The following DENND4C variants were observed in gnomAD, a reference collection of about 807,000 sequenced individuals.
The protein encoded by DENND4C is DENN domain containing 4C.
In DENND4C, 108 loss-of-function variants were observed where a neutral mutation model predicts 203.0. The ratio of observed to expected loss-of-function variants is 0.53; its 90% confidence interval spans 0.46 to 0.62. The LOEUF (loss-of-function observed/expected upper bound fraction) is 0.62. Among genes scored for constraint, DENND4C ranks in the 20% least tolerant of loss-of-function variants. DENND4C has a pLI of 0.00. For missense variants in DENND4C, 2,481 were observed against 2,301.2 expected (o/e 1.08, Z -1.60); for synonymous variants, 871 against 792.4 (o/e 1.10, Z -1.67).
intron 15 of DENND4C, among the ~76,000 whole-genome samples, chr9:19,327,544 A>G (rs1818080602): frequency 6.6e-6 from 1 of 152,062 alleles, no homozygotes; most frequent in Non-Finnish European, 1.5e-5. Flanking sequence ...AAAATATTTA[A>G]TTGGAGAAAT....
chr9:19,284,662 A>T (rs1312321443), intron 2 of DENND4C, among the ~76,000 whole-genome samples: 1 of 152,088 alleles, frequency 6.6e-6, no homozygotes, highest in African/African-American at 2.4e-5. Flanking sequence ...ATGGTGTATC[A>T]GAGTAATTTC....
At chr9:19,347,839 C>T (rs921822929) in intron 23 of DENND4C, among the ~76,000 whole-genome samples, 1 of 152,150 alleles carries the variant, frequency 6.6e-6, no homozygotes, top group African/African-American at 2.4e-5. Context: ...CTCCTTAATA[C>T]ATATGAAGTC....
intron 19 of DENND4C, 67 bp from the exon 20 acceptor site, chr9:19,336,619 C>A: frequency 2.0e-6 from 3 of 1,475,976 alleles, no homozygotes; most frequent in Non-Finnish European, 2.7e-6. Context: ...AACTGTGGGT[C>A]AATCATGTTT....
At chr9:19,330,476 A>C (rs1818854077) in intron 16 of DENND4C, among the ~76,000 whole-genome samples, 1 of 150,920 alleles carries the variant, frequency 6.6e-6, no homozygotes, top group South Asian at 2.1e-4. Context: ...AATAGCTGGG[A>C]TTACAGGCGC....
intron 5 of DENND4C, among the ~76,000 whole-genome samples, chr9:19,293,957 G>A (rs967959745): frequency 9.2e-5 from 14 of 152,262 alleles, no homozygotes; most frequent in African/African-American, 3.1e-4. Flanking sequence ...ACATGACTTC[G>A]AAGTTTCTAC....
At chr9:19,279,550 A>T (rs117413726) in intron 2 of DENND4C, among the ~76,000 whole-genome samples, 9,066 of 149,338 alleles carry the variant, frequency 0.061, 396 homozygotes, top group Middle Eastern at 0.1. Context: ...GGTGGCGAGC[A>T]CCTGTAGTTC....
At chr9:19,315,516 T>C (rs978735493) in intron 10 of DENND4C, among the ~76,000 whole-genome samples, 5 of 151,120 alleles carry the variant, frequency 3.3e-5, no homozygotes, top group Admixed American at 6.6e-5. Flanking sequence ...CATGTATGTA[T>C]ATACATGTAT....
chr9:19,305,419 T>A lies in DENND4C; in HGVS notation c.1379T>A (p.Leu460His). 1 of 1,613,996 alleles carries A rather than the reference T, an allele frequency of 6.2e-7. No individual in the cohort carries two copies. Among genetic ancestry groups the A allele is most frequent in the Non-Finnish European group, 8.5e-7 (1 of 1,179,900 alleles). The change falls in exon 10 of 33, where the codon CTT becomes CAT. Residue 460 changes from leucine to histidine, a missense_variant. Physicochemically the swap from Leu to His is moderately conservative, Grantham distance 99. Transcript: ENST00000434457. ...PLCPLSLAAV[L>H]SAPLPFIVGV... ...TGTCCTCTTTCACTGGCTGCAGTGC[T>A]TAGTGCACCTTTACCATTTATAGTT...
chr9:19,362,325 GAAC>G (rs1342964678), intron 30 of DENND4C, among the ~76,000 whole-genome samples: 1 of 151,832 alleles, frequency 6.6e-6, no homozygotes, highest in Non-Finnish European at 1.5e-5. Context: ...CTCAAAATGG[GAAC>G]AACTCAAATA....
intron 5 of DENND4C, among the ~76,000 whole-genome samples, chr9:19,295,669 CAAAAAAA>C (rs1173472125): frequency 1.4e-5 from 1 of 72,638 alleles, no homozygotes; most frequent in African/African-American, 4.5e-5. Flanking sequence ...GACTCCATCT[CAAAAAAA>C]AAAAAAAAAA....
intron 1 of DENND4C, among the ~76,000 whole-genome samples, chr9:19,260,044 T>C (rs1828970586): frequency 6.6e-6 from 1 of 152,188 alleles, no homozygotes; most frequent in Non-Finnish European, 1.5e-5. Context: ...TCTATACTAT[T>C]CTCCATAGTT....
chr9:19,257,457 A>G (rs1466691958), intron 1 of DENND4C, among the ~76,000 whole-genome samples: 1 of 152,174 alleles, frequency 6.6e-6, no homozygotes, highest in Non-Finnish European at 1.5e-5. Flanking sequence ...AAATTAGAAA[A>G]GATCTCAAAT....
chr9:19,325,553 A>G (rs553222781), intron 13 of DENND4C, among the ~76,000 whole-genome samples: 3 of 152,274 alleles, frequency 2.0e-5, no homozygotes, highest in Admixed American at 2.0e-4. Flanking sequence ...ATATAATTAA[A>G]ACTATTCAAC....
rs145119126 is a variant in DENND4C, at chr9:19,319,095, C to T, written c.1807+2256C>T. 7.6e-4 allele frequency among the ~76,000 whole-genome samples: 115 copies of T among 150,656 alleles called. No homozygotes were observed. The East Asian group carries it at 0.016, about 21-fold the overall frequency. ...GAGGCAGGAGAATCGCTTCATCCCG[C>T]GAGGCAGAAGTTGCGGTGAGCCAAG... On this transcript the variant is annotated intron_variant, in intron 12 of 32. Coordinates refer to ENST00000434457, the MANE Select transcript of DENND4C (RefSeq NM_001330640.2).
intron 10 of DENND4C, among the ~76,000 whole-genome samples, chr9:19,316,000 C>T (rs1841783750): frequency 6.6e-6 from 1 of 152,094 alleles, no homozygotes; most frequent in Non-Finnish European, 1.5e-5. Context: ...ACTGTGAGGG[C>T]TGGATGAACT....
rs891448715 is a variant in DENND4C at position 19,330,980 on chromosome 9, C to T, written c.2254-998C>T. On this transcript the variant is annotated intron_variant, in intron 16 of 32. Transcript: ENST00000434457. The stretch of plus-strand genomic sequence containing the variant: ...CTGAGGCAGGAGAATCACTTGAACC[C>T]GGGAGGCAGTGGTTGCGGTGAGCTG... Among the ~76,000 whole-genome samples the T allele has an allele frequency of 1.8e-4, 27 of 151,562 alleles. 2 individuals are homozygous for T. Among genetic ancestry groups the T allele is most frequent in the East Asian group, 1.0e-3 (5 of 4,992 alleles).
intron 12 of DENND4C, among the ~76,000 whole-genome samples, chr9:19,322,321 G>A (rs762428917): frequency 6.6e-6 from 1 of 152,178 alleles, no homozygotes; most frequent in East Asian, 1.9e-4. Context: ...CCAGAGCTGG[G>A]TTATGCTAGG....
chr9:19,334,452 C>T lies in DENND4C; in HGVS notation c.2461-525C>T, dbSNP rs117966096. Among the ~76,000 whole-genome samples, 63 of 151,280 alleles carry T rather than the reference C, an allele frequency of 4.2e-4. 2 individuals carry two copies. In the East Asian group the frequency reaches 0.012, roughly 29 times the overall value. ...TACTCAAACAAATGGAACATGGACA[C>T]ATATGTCTTATATGAAATGGTTAAT... On this transcript the variant is annotated intron_variant, in intron 17 of 32. Transcript: ENST00000434457.
intron 15 of DENND4C, among the ~76,000 whole-genome samples, chr9:19,327,700 A>G (rs1041823444): frequency 1.1e-4 from 17 of 152,120 alleles, no homozygotes; most frequent in Middle Eastern, 3.4e-3. Context: ...AAAATTATGA[A>G]GTATACTAAA....
Sources: allele counts gnomAD v4.1 joint callset (sites outside exome capture counted in the v4.1 genomes callset), GRCh38; gene constraint gnomAD v4.1.1; transcripts MANE v1.5; gene names NCBI Gene and HGNC (gene_info 2026-07-23, HGNC 2026-07-21).